CNGB3: variants seen among roughly 807,000 people sequenced by gnomAD.
CNGB3 encodes cyclic nucleotide gated channel subunit beta 3, also known as cyclic nucleotide-gated channel beta-3.
Under a neutral mutation model 92.8 loss-of-function variants are expected in CNGB3, and 86 were observed. The observed-to-expected ratio is 0.93, with a 90% CI of 0.78 to 1.11. CNGB3 has a LOEUF of 1.11. CNGB3 is among the 50% of genes least tolerant of loss of function. CNGB3 has a pLI of 0.00. For missense variants in CNGB3, 1,026 were observed against 956.8 expected (o/e 1.07, Z -0.95); for synonymous variants, 333 against 332.7 (o/e 1.00, Z -0.01).
At chr8:86,618,421 T>C (rs1822658237) in intron 13 of CNGB3, among the ~76,000 whole-genome samples, 1 of 152,234 alleles carries the variant, frequency 6.6e-6, no homozygotes, top group African/African-American at 2.4e-5. Flanking sequence ...TAATAATAAC[T>C]ATGTAATTTA....
At chr8:86,702,090 T>A (rs1369611227) in intron 3 of CNGB3, among the ~76,000 whole-genome samples, 2 of 152,226 alleles carry the variant, frequency 1.3e-5, no homozygotes, top group African/African-American at 2.4e-5. Context: ...ATATATGCTA[T>A]AAGAAGTTCT....
At position 86,720,243 on chromosome 8, in the gene CNGB3, A is replaced by G. The variant is rs566690584; in HGVS notation, c.338+6288T>C. ...GAGTGGGAGAAAATCTTCACAATCT[A>G]TATATCTGACAAAGGACTAATATCC... On this transcript the variant is annotated intron_variant, in intron 3 of 17. Coordinates refer to ENST00000320005, the MANE Select transcript of CNGB3 (RefSeq NM_019098.5). Among the ~76,000 whole-genome samples, 4 of 152,314 alleles carry G rather than the reference A, an allele frequency of 2.6e-5. No individual in the cohort carries two copies. In the South Asian group the frequency reaches 8.3e-4, roughly 32 times the overall value.
intron 3 of CNGB3, among the ~76,000 whole-genome samples, chr8:86,674,941 TTTG>T (rs79993104): frequency 0.17 from 25,228 of 149,184 alleles, 2,777 homozygotes; most frequent in African/African-American, 0.29. Context: ...TTTCTCTCTT[TTTG>T]TTGTTGTTGT....
intron 3 of CNGB3, among the ~76,000 whole-genome samples, chr8:86,701,459 C>T (rs1281311562): frequency 6.6e-6 from 1 of 152,114 alleles, no homozygotes; most frequent in Non-Finnish European, 1.5e-5. Context: ...GAGGACATCT[C>T]ATAAATCTTC....
intron 3 of CNGB3, among the ~76,000 whole-genome samples, chr8:86,691,391 G>T (rs1308097432): frequency 6.6e-6 from 1 of 152,054 alleles, no homozygotes; most frequent in African/African-American, 2.4e-5. Context: ...TGCTTTGCTT[G>T]AGACTTCCAG....
chr8:86,726,535 T>G lies in CNGB3; in HGVS notation c.334A>C (p.Asn112His), dbSNP rs943340235. 1.2e-6 allele frequency: 2 copies of G among 1,613,824 alleles called. No individual in the cohort carries two copies. The highest frequency in any genetic ancestry group is 2.7e-5 in the African/African-American group (2 of 75,036). The change falls in exon 3 of 18, where the codon AAC becomes CAC. Residue 112 changes from asparagine to histidine, a missense_variant. Coordinates refer to ENST00000320005, the MANE Select transcript of CNGB3 (RefSeq NM_019098.5). The part of the protein sequence containing the change: ...KEMDPGKEGP[N>H]SPQNKPPAAP... ...TGTGTTTTATTAAATGCTCACCTGT[T>G]TGGACCTTCTTTCCCGGGGTCCATT...
intron 14 of CNGB3, among the ~76,000 whole-genome samples, chr8:86,610,989 C>A (rs1359922934): frequency 6.6e-6 from 1 of 152,142 alleles, no homozygotes; most frequent in East Asian, 1.9e-4. Context: ...AACATATGTA[C>A]AGTATGATGC....
intron 6 of CNGB3, chr8:86,659,290 G>A: frequency 1.0e-6 from 1 of 988,700 alleles, no homozygotes; most frequent in Non-Finnish European, 1.6e-6. Flanking sequence ...TCCATAACCT[G>A]CCCCAGGTGT....
In CNGB3 at chr8:86,644,699, G is replaced by A. The variant is rs1311923444; in HGVS notation, c.991-13C>T. On this transcript the variant is annotated splice_polypyrimidine_tract_variant and intron_variant, in intron 8 of 17. Transcript: ENST00000320005. The stretch of plus-strand genomic sequence containing the variant: ...AAAATGAAGTGTACTATATAGAAAA[G>A]CAAAAGAAATCCAAAAGCATGTTAG... The A allele has an allele frequency of 2.7e-6, 4 of 1,491,860 alleles. No individual in the cohort carries two copies. Among genetic ancestry groups the A allele is most frequent in the Admixed American group, 2.0e-5 (1 of 50,416 alleles). The allele number at this position is 1,491,860 out of a possible 1,614,324, so 92.4% of individuals were successfully genotyped here. A position where few individuals can be genotyped will look rare whatever the true frequency, so the allele number is the denominator to read the frequency against.
intron 15 of CNGB3, among the ~76,000 whole-genome samples, chr8:86,597,957 G>A (rs545720159): frequency 2.0e-5 from 3 of 151,842 alleles, no homozygotes; most frequent in South Asian, 2.1e-4. Flanking sequence ...CAGCCTGGGC[G>A]ACAGAGTGAG....
chr8:86,737,404 A>AT (rs1825267057), intron 2 of CNGB3, among the ~76,000 whole-genome samples: 1 of 152,142 alleles, frequency 6.6e-6, no homozygotes, highest in African/African-American at 2.4e-5. Flanking sequence ...GTAAAATTCA[A>AT]TTATTTTCTT....
At chr8:86,658,022 C>T in intron 6 of CNGB3, 1 of 545,552 alleles carries the variant, frequency 1.8e-6, no homozygotes, top group Non-Finnish European at 3.5e-6. Flanking sequence ...TCCTTCAGGT[C>T]CACCTTCTCC....
rs1243051539 is a variant in CNGB3 at position 86,649,773 on chromosome 8, T to C, written c.904-1886A>G. On this transcript the variant is annotated intron_variant, in intron 7 of 17. Coordinates refer to ENST00000320005, the MANE Select transcript of CNGB3 (RefSeq NM_019098.5). ...TTATGACTAAAGCCCCAAAAGCAAATACAACAAAAATAAAAATAAATAAAT... is the reference window on the plus strand; with the variant it reads ...TTATGACTAAAGCCCCAAAAGCAAACACAACAAAAATAAAAATAAATAAAT... Among the ~76,000 whole-genome samples, 5 of 151,416 alleles carry C rather than the reference T, an allele frequency of 3.3e-5. No individual in the cohort carries two copies. The East Asian group carries it at 9.7e-4, about 29-fold the overall frequency.
At chr8:86,606,161 T>A (rs1328278468) in intron 14 of CNGB3, among the ~76,000 whole-genome samples, 2 of 149,420 alleles carry the variant, frequency 1.3e-5, no homozygotes, top group Non-Finnish European at 3.0e-5. Context: ...TTTTTTTTTT[T>A]TTTTTTGAGA....
intron 15 of CNGB3, among the ~76,000 whole-genome samples, chr8:86,579,550 G>C (rs958401): frequency 6.6e-6 from 1 of 152,040 alleles, no homozygotes; most frequent in African/African-American, 2.4e-5. Context: ...CTTTTGGACT[G>C]GGTATCCCTC....
intron 15 of CNGB3, among the ~76,000 whole-genome samples, chr8:86,590,508 T>C (rs1822004561): frequency 6.6e-6 from 1 of 152,128 alleles, no homozygotes; most frequent in Non-Finnish European, 1.5e-5. Flanking sequence ...TAGCGCTTCC[T>C]TCAGGAGCTC....
intron 13 of CNGB3, among the ~76,000 whole-genome samples, chr8:86,612,794 G>GAA: frequency 6.6e-6 from 1 of 152,186 alleles, no homozygotes; most frequent in Non-Finnish European, 1.5e-5. Context: ...CTCTAGGATA[G>GAA]AAAAAAAGGC....
chr8:86,627,682 A>G (rs1822874919), intron 12 of CNGB3, among the ~76,000 whole-genome samples: 1 of 152,198 alleles, frequency 6.6e-6, no homozygotes, highest in Non-Finnish European at 1.5e-5. Context: ...AGTAACAATT[A>G]TTTTTAACTG....
At position 86,628,947 on chromosome 8, in the gene CNGB3, T is replaced by G. The variant is rs1456632019; in HGVS notation, c.1452A>C (p.Glu484Asp). 1 of 1,613,914 alleles carries G rather than the reference T, an allele frequency of 6.2e-7. No individual in the cohort carries two copies. The highest frequency in any genetic ancestry group is 1.3e-5 in the African/African-American group (1 of 75,020). Residue 484 changes from glutamate to aspartate, a missense_variant, in exon 12 of 18, where the codon GAA becomes GAC. Physicochemically the swap from Glu to Asp is conservative, Grantham distance 45 (BLOSUM62 2). Transcript: ENST00000320005. ...GCATTCTTTGAGAGTCCCATGTATA[T>G]TCATACCAAGTCCGAACTCGCTTTT... ...LVQKRVRTWY[E>D]YTWDSQRMLD...
Sources: gnomAD v4.1 joint callset for allele counts (sites outside exome capture counted in the v4.1 genomes callset) on GRCh38, gnomAD v4.1.1 for gene constraint, MANE v1.5 for transcripts, NCBI Gene and HGNC (gene_info 2026-07-23, HGNC 2026-07-21) for gene names.